Variants in APC2 observed in about 807,000 individuals in gnomAD.
APC2 encodes APC regulator of Wnt signaling pathway 2.
A neutral mutation model predicts 72.5 loss-of-function variants in APC2; 41 were observed. The observed-to-expected ratio is 0.57, with a 90% CI of 0.44 to 0.73. APC2 has a LOEUF of 0.73. Ranked by LOEUF, APC2 falls within the 30% of genes least tolerant of loss-of-function variation. The pLI, the probability that APC2 is intolerant of heterozygous loss-of-function variation, is 0.00. For synonymous variants in APC2, 1,898 were observed against 1,612.0 expected (o/e 1.18, Z -4.25); for missense variants, 3,729 against 3,403.4 (o/e 1.10, Z -2.38).
Position 1,457,216 on chromosome 19 carries a change from G to A in APC2, c.1180G>A (p.Gly394Arg), listed in dbSNP as rs747095633. The stretch of plus-strand genomic sequence containing the variant: ...GGACTGGCTGCAGGCCCGAGACGGC[G>A]GGCCCGAGGGAGGTGGCGCCGGCAG... Reference protein sequence around the residue: ...CWDWLQARDGGPEGGGAGSAP... With the variant: ...CWDWLQARDGRPEGGGAGSAP... The change falls in exon 9 of 15, where the codon GGG becomes AGG. Residue 394 changes from glycine (G) to arginine (R), a missense_variant. By Grantham distance (125) the Gly-to-Arg change is moderately radical. Coordinates refer to ENST00000590469, the MANE Select transcript of APC2 (RefSeq NM_005883.3). 20 of 1,543,308 alleles carry A rather than the reference G, an allele frequency of 1.3e-5. No homozygotes were observed. Among genetic ancestry groups the A allele is most frequent in the South Asian group, 7.2e-5 (6 of 83,628 alleles).
Position 1,469,499 on chromosome 19 carries a change from C to G in APC2, c.6198C>G (p.Pro2066=). 8.9e-7 allele frequency: 1 copy of G among 1,129,042 alleles called. No homozygotes were observed. The highest frequency in any genetic ancestry group is 4.6e-5 in the Admixed American group (1 of 21,788). The allele number at this position is 1,129,042 out of a possible 1,614,324, so 69.9% of individuals were successfully genotyped here. Reference sequence around the variant, plus strand: ...GGCAGCGGCCCCCCGCGGCCCGACCCAGCCCTGGCGAGCGCCCTGCCCGGC... The same window carrying G: ...GGCAGCGGCCCCCCGCGGCCCGACCGAGCCCTGGCGAGCGCCCTGCCCGGC... The part of the protein sequence containing the change: ...PARQRPPAAR[P]SPGERPARRT... The change falls in exon 15 of 15, where the codon CCC becomes CCG. Residue 2066 remains proline, a synonymous_variant. Transcript: ENST00000590469.
upstream of APC2, chr19:1,446,378 G>C (rs1041644325): frequency 3.0e-6 from 3 of 984,908 alleles, no homozygotes; most frequent in African/African-American, 1.7e-5. This position sits in a 1 kb window ranked among gnomAD's most constrained non-coding sequence, Gnocchi z 6.1. Flanking sequence ...GGAGGGCTCC[G>C]GGCCGCGCAG....
rs1031025932 is a variant in APC2 at position 1,473,017 on chromosome 19, C to G, written c.*2804C>G. On this transcript the variant is annotated 3_prime_UTR_variant, in exon 15 of 15. Transcript: ENST00000590469. The stretch of plus-strand genomic sequence containing the variant: ...ACAGCATTACCTCACCCGGCCCCAT[C>G]TGTTGCCCCGGTCCAGCCCTGATGG... The G allele has an allele frequency of 6.6e-5, 10 of 152,358 alleles. No homozygotes were observed. The highest frequency in any genetic ancestry group is 2.4e-4 in the African/African-American group (10 of 41,456). The allele number at this position is 152,358 out of a possible 1,614,324, so 9.4% of individuals were successfully genotyped here.
Position 1,470,586 on chromosome 19 carries a change from T to G in APC2, c.*373T>G. 5.2e-6 allele frequency: 1 copy of G among 193,002 alleles called. No individual in the cohort carries two copies. The highest frequency in any genetic ancestry group is 1.1e-5 in the Non-Finnish European group (1 of 94,402). The allele number at this position is 193,002 out of a possible 1,614,324, so 12.0% of individuals were successfully genotyped here. On this transcript the variant is annotated 3_prime_UTR_variant, in exon 15 of 15. Transcript: ENST00000590469. ...CCGGGTCTGGGTCTGGGTCCGCTGC[T>G]TCGCAGGGACAGCGCTGGGGAGGTG...
At chr19:1,461,552 C>CA (rs890836912) in intron 13 of APC2, 18 of 315,754 alleles carry the variant, frequency 5.7e-5, no homozygotes, top group Non-Finnish European at 8.9e-5. Flanking sequence ...GACTGCGTCT[C>CA]AAAAAAACAA....
rs201204344 is a variant in APC2, at chr19:1,460,248, G to A, written c.1371G>A (p.Pro457=). 5.9e-5 allele frequency: 95 copies of A among 1,613,546 alleles called. No individual in the cohort carries two copies. The Middle Eastern group carries it at 2.5e-3, about 42-fold the overall frequency. ...AGATGCACAAGATGACCCGGGACCC[G>A]CTGAACCTGGCGCTGCGCCGCTACG... ...DYEMHKMTRD[P]LNLALRRYAG... The change falls in exon 11 of 15, where the codon CCG becomes CCA. Residue 457 remains proline, a synonymous_variant. Transcript: ENST00000590469.
intron 14 of APC2, among the ~76,000 whole-genome samples, chr19:1,464,674 C>A (rs1161864111): frequency 7.5e-6 from 1 of 132,774 alleles, no homozygotes; most frequent in African/African-American, 3.2e-5. Flanking sequence ...TGGTCTCTTG[C>A]CAGGCTGGAG....
rs1342239871 is a variant in APC2 at position 1,466,523 on chromosome 19, C to G, written c.3222C>G (p.Ser1074=). The G allele has an allele frequency of 1.9e-6, 3 of 1,592,110 alleles. No individual in the cohort carries two copies. The highest frequency in any genetic ancestry group is 2.5e-6 in the Non-Finnish European group (3 of 1,176,854). Residue 1074 remains serine, a synonymous_variant, in exon 15 of 15, where the codon TCC becomes TCG. Transcript: ENST00000590469. ...PLSLSRCSSL[S]SLSSAGRPGP... ...CGCTGTCCCGATGCAGCTCCCTTTC[C>G]TCGCTGTCCTCGGCCGGCCGCCCAG...
chr19:1,467,272 G>A lies in APC2; in HGVS notation c.3971G>A (p.Gly1324Glu). 1 of 1,308,970 alleles carries A rather than the reference G, an allele frequency of 7.6e-7. No homozygotes were observed. The highest frequency in any genetic ancestry group is 9.7e-7 in the Non-Finnish European group (1 of 1,033,922). The allele number at this position is 1,308,970 out of a possible 1,614,324, so 81.1% of individuals were successfully genotyped here. The change falls in exon 15 of 15, where the codon GGG (glycine) becomes GAG (glutamate). Residue 1324 changes from glycine to glutamate, a missense_variant. By Grantham distance (98) the Gly-to-Glu change is moderately conservative (BLOSUM62 -2). Coordinates refer to ENST00000590469, the MANE Select transcript of APC2 (RefSeq NM_005883.3). ...HFAGHRRREE[G>E]PAPTGSRPRG... Reference sequence around the variant, plus strand: ...GCAGGGCACCGGCGGCGGGAGGAGGGGCCGGCGCCCACGGGTTCTCGCCCT... The same window carrying A: ...GCAGGGCACCGGCGGCGGGAGGAGGAGCCGGCGCCCACGGGTTCTCGCCCT...
intron 8 of APC2, 38 bp from the exon 9 acceptor site, chr19:1,456,815 A>T: frequency 6.4e-7 from 1 of 1,572,994 alleles, no homozygotes; most frequent in Non-Finnish European, 8.6e-7. Context: ...TGCGGGGGGC[A>T]GGTGAGGGAC....
chr19:1,468,043 C>A lies in APC2; in HGVS notation c.4742C>A (p.Ser1581Tyr). The A allele has an allele frequency of 1.3e-6, 2 of 1,579,772 alleles. No individual in the cohort carries two copies. The highest frequency in any genetic ancestry group is 1.1e-5 in the South Asian group (1 of 88,952). The change falls in exon 15 of 15, where the codon TCC (serine) becomes TAC (tyrosine). Residue 1581 changes from serine (S) to tyrosine (Y), a missense_variant. Physicochemically the swap from Ser to Tyr is moderately radical, Grantham distance 144. Transcript: ENST00000590469. ...ACCCCGCCCTGCTACTCCCTGAGCTCCTCCGCCAGCTCCCTCAGCGAGCCC... is the reference window on the plus strand; with the variant it reads ...ACCCCGCCCTGCTACTCCCTGAGCTACTCCGCCAGCTCCCTCAGCGAGCCC... ...DETPPCYSLS[S>Y]SASSLSEPEP...
chr19:1,464,175 G>A (rs1037042032), intron 14 of APC2, among the ~76,000 whole-genome samples: 4 of 152,180 alleles, frequency 2.6e-5, no homozygotes, highest in Admixed American at 6.5e-5. Flanking sequence ...CAGGCGGGGT[G>A]GTGGGTGCCT....
chr19:1,458,410 C>T (rs1395072753), intron 10 of APC2: 1 of 255,488 alleles, frequency 3.9e-6, no homozygotes, highest in South Asian at 6.9e-5. Context: ...CGTTTGAGGA[C>T]ATTGCAACAT....
intron 4 of APC2, among the ~76,000 whole-genome samples, chr19:1,454,818 C>T (rs1281822229): frequency 2.6e-5 from 4 of 152,172 alleles, no homozygotes; most frequent in African/African-American, 9.7e-5. Context: ...CCGCCTGCCT[C>T]AGCCTCTCAA....
rs1265860277 is a variant in APC2 at position 1,470,709 on chromosome 19, A to G, written c.*496A>G. The G allele has an allele frequency of 2.6e-5, 4 of 155,610 alleles. No individual in the cohort carries two copies. Among genetic ancestry groups the G allele is most frequent in the African/African-American group, 9.6e-5 (4 of 41,640 alleles). 9.6% of individuals were successfully genotyped at this position (155,610 alleles called of 1,614,324 possible). ...TGCGGCGCGCAGGGGCGAAGCCTGT[A>G]ATCACTGCAGCCGCCGGTAATTCGC... On this transcript the variant is annotated 3_prime_UTR_variant, in exon 15 of 15. Coordinates refer to ENST00000590469, the MANE Select transcript of APC2 (RefSeq NM_005883.3).
upstream of APC2, among the ~76,000 whole-genome samples, chr19:1,447,418 G>C (rs1017401071): frequency 6.6e-6 from 1 of 152,196 alleles, no homozygotes; most frequent in Non-Finnish European, 1.5e-5. Context: ...GGGTGGGGGA[G>C]TGAGCATTTC....
In APC2 at chr19:1,467,459, C is replaced by T. The variant is rs1336135676; in HGVS notation, c.4158C>T (p.Asp1386=). The T allele has an allele frequency of 6.1e-6, 9 of 1,470,368 alleles. No individual in the cohort carries two copies. The African/African-American group carries it at 8.8e-5, about 14-fold the overall frequency. The allele number at this position is 1,470,368 out of a possible 1,614,324, so 91.1% of individuals were successfully genotyped here. A position where few individuals can be genotyped will look rare whatever the true frequency, so the allele number is the denominator to read the frequency against. ...LVPAPAPAQE[D]DSCTDSAEGT... ...CCGCCCCGGCCCCGGCCCAGGAGGA[C>T]GACTCCTGCACTGACTCCGCGGAGG... The change falls in exon 15 of 15, where the codon GAC becomes GAT. Residue 1386 remains aspartate, a synonymous_variant. Coordinates refer to ENST00000590469, the MANE Select transcript of APC2 (RefSeq NM_005883.3).
chr19:1,462,877 A>G (rs1410163893), intron 14 of APC2, among the ~76,000 whole-genome samples: 1 of 151,626 alleles, frequency 6.6e-6, no homozygotes, highest in Non-Finnish European at 1.5e-5. Context: ...AGGCTGAGAC[A>G]GGAGAATGGC....
upstream of APC2, among the ~76,000 whole-genome samples, chr19:1,448,941 T>A (rs1173614292): frequency 1.3e-5 from 2 of 152,142 alleles, no homozygotes; most frequent in African/African-American, 4.8e-5. Context: ...TGGGGACAGC[T>A]GCGTCCAGCT....
Sources: gnomAD v4.1 joint callset for allele counts (sites outside exome capture counted in the v4.1 genomes callset) on GRCh38, gnomAD v4.1.1 for gene constraint, Gnocchi (gnomAD v3.1) non-coding constraint, MANE v1.5 for transcripts, NCBI Gene and HGNC (gene_info 2026-07-23, HGNC 2026-07-21) for gene names.